CTNND2: variants seen among roughly 807,000 people sequenced by gnomAD.
CTNND2 encodes catenin delta 2.
CTNND2 carries 22 observed loss-of-function variants against 144.4 expected under a neutral mutation model. That is an observed-to-expected ratio of 0.15 (90% CI 0.11 to 0.22). CTNND2 has a LOEUF of 0.22. Ranked by LOEUF, CTNND2 falls within the 10% of genes least tolerant of loss-of-function variation. CTNND2 has a pLI of 1.00. For synonymous variants in CTNND2, 751 were observed against 695.6 expected (o/e 1.08, Z -1.25); for missense variants, 1,353 against 1,618.8 (o/e 0.84, Z 2.82).
At chr5:11,644,918 A>G (rs574139094) in intron 2 of CTNND2, among the ~76,000 whole-genome samples, 1 of 152,282 alleles carries the variant, frequency 6.6e-6, no homozygotes, top group African/African-American at 2.4e-5. Flanking sequence ...AAAAAAGCAG[A>G]TGTATTCTGA....
At chr5:11,309,815 G>A (rs1750615462) in intron 9 of CTNND2, among the ~76,000 whole-genome samples, 1 of 152,138 alleles carries the variant, frequency 6.6e-6, no homozygotes, top group Non-Finnish European at 1.5e-5. Flanking sequence ...CTTGCTGGGA[G>A]GTGATTGGAT....
chr5:11,677,545 A>C (rs528969006), intron 2 of CTNND2, among the ~76,000 whole-genome samples: 2 of 152,338 alleles, frequency 1.3e-5, no homozygotes, highest in East Asian at 3.9e-4. Context: ...GAAATGAATT[A>C]ATATAAAGAC....
intron 2 of CTNND2, among the ~76,000 whole-genome samples, chr5:11,638,879 C>A (rs1161928599): frequency 5.3e-4 from 80 of 152,082 alleles, no homozygotes; most frequent in Non-Finnish European, 2.1e-4. Flanking sequence ...CCGGCCATAA[C>A]CTCAATTTTA....
At chr5:11,040,687 G>C (rs746256272) in intron 16 of CTNND2, among the ~76,000 whole-genome samples, 18 of 152,324 alleles carry the variant, frequency 1.2e-4, no homozygotes, top group South Asian at 1.0e-3. Context: ...GAGATTTGCT[G>C]AAGTTCCTTT....
intron 1 of CTNND2, among the ~76,000 whole-genome samples, chr5:11,850,991 T>C (rs938277141): frequency 3.3e-5 from 5 of 152,236 alleles, no homozygotes; most frequent in South Asian, 2.1e-4. Context: ...CCAGCCATCA[T>C]GTTGTGGGCC....
intron 12 of CTNND2, among the ~76,000 whole-genome samples, chr5:11,128,384 C>T (rs1014473946): frequency 6.6e-6 from 1 of 152,108 alleles, no homozygotes; most frequent in African/African-American, 2.4e-5. Context: ...TTCCCCAGAG[C>T]TGCTAGTAAG....
At chr5:11,394,816 A>G (rs1262698352) in intron 6 of CTNND2, among the ~76,000 whole-genome samples, 3 of 152,220 alleles carry the variant, frequency 2.0e-5, no homozygotes, top group Non-Finnish European at 4.4e-5. Flanking sequence ...AGAATCTTTG[A>G]GCATTTATAA....
chr5:11,851,010 T>A (rs562701719), intron 1 of CTNND2, among the ~76,000 whole-genome samples: 1 of 152,286 alleles, frequency 6.6e-6, no homozygotes, highest in South Asian at 2.1e-4. Flanking sequence ...CCTCATCCAA[T>A]CAGCTAAAGA....
Position 11,618,728 on chromosome 5 carries a change from T to C in CTNND2, c.175-53672A>G, listed in dbSNP as rs560219423. On this transcript the variant is annotated intron_variant, in intron 2 of 21. Transcript: ENST00000304623. ...TTTTTTTCACAGTCATGTCACTTTA[T>C]TCTACTCAAAGCAAACACTTATGAT... Among the ~76,000 whole-genome samples the C allele has an allele frequency of 7.9e-5, 12 of 152,340 alleles. No homozygotes were observed. The South Asian group carries it at 2.5e-3, about 32-fold the overall frequency.
chr5:11,194,156 C>T (rs1018771376), intron 11 of CTNND2, among the ~76,000 whole-genome samples: 4 of 152,136 alleles, frequency 2.6e-5, no homozygotes, highest in South Asian at 4.1e-4. Context: ...GAGAAGCCAG[C>T]ATAGCCCAGG....
intron 3 of CTNND2, among the ~76,000 whole-genome samples, chr5:11,494,329 T>C (rs766326216): frequency 5.3e-5 from 8 of 152,196 alleles, no homozygotes; most frequent in African/African-American, 1.7e-4. Flanking sequence ...ACAATTTTCA[T>C]TGGTAACAGA....
chr5:11,821,405 T>C (rs181498299), intron 1 of CTNND2, among the ~76,000 whole-genome samples: 6 of 152,274 alleles, frequency 3.9e-5, no homozygotes, highest in Non-Finnish European at 7.4e-5. Context: ...AAAGAATTCA[T>C]AGAGTAAATT....
At chr5:11,577,903 T>G (rs1209041968) in intron 2 of CTNND2, among the ~76,000 whole-genome samples, 1 of 152,228 alleles carries the variant, frequency 6.6e-6, no homozygotes, top group Non-Finnish European at 1.5e-5. Flanking sequence ...ACATGGATCT[T>G]GCACTATATT....
intron 2 of CTNND2, among the ~76,000 whole-genome samples, chr5:11,699,053 C>A (rs914335173): frequency 2.7e-5 from 4 of 150,612 alleles, no homozygotes; most frequent in African/African-American, 4.9e-5. Context: ...ATATGTTCCC[C>A]CACACACACA....
intron 3 of CTNND2, among the ~76,000 whole-genome samples, chr5:11,436,809 G>A (rs1343049561): frequency 1.3e-5 from 2 of 152,140 alleles, no homozygotes; most frequent in Non-Finnish European, 2.9e-5. Flanking sequence ...CTTTTGAATT[G>A]AAAGATAAAT....
chr5:11,032,638 A>AT (rs537165116), intron 16 of CTNND2, among the ~76,000 whole-genome samples: 7 of 151,332 alleles, frequency 4.6e-5, no homozygotes, highest in Admixed American at 2.6e-4. Context: ...CTGAGTGCTT[A>AT]TTTTTTTTTC....
chr5:11,355,738 A>T (rs1043966331), intron 8 of CTNND2, among the ~76,000 whole-genome samples: 1 of 152,162 alleles, frequency 6.6e-6, no homozygotes, highest in African/African-American at 2.4e-5. Flanking sequence ...GAGAAAGTCA[A>T]ATTGTCTCTG....
chr5:11,093,375 A>C (rs1445824587), intron 15 of CTNND2, among the ~76,000 whole-genome samples: 1 of 152,024 alleles, frequency 6.6e-6, no homozygotes, highest in Non-Finnish European at 1.5e-5. Flanking sequence ...AAACAAAATC[A>C]CTGTACTATA....
chr5:10,997,691 G>T (rs1269662935), intron 18 of CTNND2, among the ~76,000 whole-genome samples: 1 of 152,112 alleles, frequency 6.6e-6, no homozygotes, highest in Non-Finnish European at 1.5e-5. Context: ...ATCATTTTAT[G>T]TTTGTCTCAT....
Sources: gnomAD v4.1 joint callset for allele counts (sites outside exome capture counted in the v4.1 genomes callset) on GRCh38, gnomAD v4.1.1 for gene constraint, MANE v1.5 for transcripts, NCBI Gene and HGNC (gene_info 2026-07-23, HGNC 2026-07-21) for gene names.